Variants in CDH23 observed in about 807,000 individuals in gnomAD.
The protein encoded by CDH23 is cadherin-23.
In CDH23, 189 loss-of-function variants were observed where a neutral mutation model predicts 317.1. The ratio of observed to expected loss-of-function variants is 0.60; its 90% confidence interval spans 0.53 to 0.67. The LOEUF is 0.67. CDH23 is among the 30% of genes least tolerant of loss of function. The pLI, the probability that CDH23 is intolerant of heterozygous loss-of-function variation, is 0.00. For missense variants in CDH23, 4,401 were observed against 4,592.4 expected (o/e 0.96, Z 1.20); for synonymous variants, 1,839 against 1,876.8 (o/e 0.98, Z 0.52).
At chr10:71,570,975 A>G in intron 8 of CDH23, 57 bp downstream of exon 8, 1 of 1,593,898 alleles carries the variant, frequency 6.3e-7, no homozygotes, top group South Asian at 1.1e-5. Context: ...CTTCCTTCTG[A>G]GCTCCTGTTA....
intron 9 of CDH23, among the ~76,000 whole-genome samples, chr10:71,606,662 C>T (rs1860542040): frequency 6.6e-6 from 1 of 152,078 alleles, no homozygotes; most frequent in Non-Finnish European, 1.5e-5. Context: ...ATAAGAAACA[C>T]ATAAACAGAT....
chr10:71,491,404 CT>C (rs2132141151), intron 3 of CDH23, among the ~76,000 whole-genome samples: 1 of 152,332 alleles, frequency 6.6e-6, no homozygotes, highest in Non-Finnish European at 1.5e-5. Context: ...AGCAAACAGA[CT>C]TGCACAGCCT....
intron 24 of CDH23, among the ~76,000 whole-genome samples, chr10:71,704,101 C>T (rs770977083): frequency 9.8e-5 from 15 of 152,298 alleles, no homozygotes; most frequent in Non-Finnish European, 1.6e-4. Flanking sequence ...CTGAGCCCCC[C>T]GTCCTGGAAA....
rs145566680 is a variant in CDH23, at chr10:71,455,522, T to G, written c.145+9127T>G. Among the ~76,000 whole-genome samples, 19 of 152,336 alleles carry G rather than the reference T, an allele frequency of 1.2e-4. No individual in the cohort carries two copies. In the East Asian group the frequency reaches 3.7e-3, roughly 29 times the overall value. On this transcript the variant is annotated intron_variant, in intron 3 of 69. Transcript: ENST00000224721. ...TATATTCATTCGTTCAACAAATGTT[T>G]CCTTGAGTGTCTTCTATGCATCAGA...
At chr10:71,645,691 G>C (rs760023586) in intron 12 of CDH23, 140 bp from the exon 13 acceptor site, 23 of 952,554 alleles carry the variant, frequency 2.4e-5, no homozygotes, top group Non-Finnish European at 3.2e-5. Context: ...GGAAAGCCCT[G>C]CTCTGTCCCA....
chr10:71,661,059 A>C (rs1046790141), intron 14 of CDH23, among the ~76,000 whole-genome samples: 1 of 152,080 alleles, frequency 6.6e-6, no homozygotes, highest in Non-Finnish European at 1.5e-5. Context: ...GTCAGACCAC[A>C]CTCCCATGAA....
intron 26 of CDH23, among the ~76,000 whole-genome samples, chr10:71,708,757 C>T (rs1367155340): frequency 6.6e-6 from 1 of 152,216 alleles, no homozygotes; most frequent in East Asian, 1.9e-4. Flanking sequence ...AAGGATAAGC[C>T]CAGGGACCCA....
At chr10:71,401,046 G>A (rs1847757341) in intron 1 of CDH23, among the ~76,000 whole-genome samples, 1 of 152,192 alleles carries the variant, frequency 6.6e-6, no homozygotes, top group South Asian at 2.1e-4. Flanking sequence ...ATGAATAGAT[G>A]AGCAAGGTCA....
intron 11 of CDH23, among the ~76,000 whole-genome samples, chr10:71,624,658 C>T (rs905651098): frequency 7.3e-4 from 111 of 152,114 alleles, no homozygotes; most frequent in Non-Finnish European, 1.5e-3. Context: ...TATGATTGCA[C>T]GGCTGCACTC....
At chr10:71,697,364 T>C (rs1382907004) in intron 22 of CDH23, among the ~76,000 whole-genome samples, 1 of 152,176 alleles carries the variant, frequency 6.6e-6, no homozygotes, top group Non-Finnish European at 1.5e-5. Flanking sequence ...CTTGTCAGGC[T>C]GAGGGTACAG....
intron 11 of CDH23, among the ~76,000 whole-genome samples, chr10:71,643,208 G>A (rs1449896202): frequency 6.6e-6 from 1 of 152,120 alleles, no homozygotes; most frequent in South Asian, 2.1e-4. Context: ...AGGGTGGCAT[G>A]TACCCATAAT....
At chr10:71,659,862 T>C (rs1052802831) in intron 14 of CDH23, among the ~76,000 whole-genome samples, 1 of 152,082 alleles carries the variant, frequency 6.6e-6, no homozygotes, top group African/African-American at 2.4e-5. Context: ...TAGTGTTCAC[T>C]ACAGGGAGCA....
At chr10:71,456,674 A>T (rs1198172080) in intron 3 of CDH23, among the ~76,000 whole-genome samples, 1 of 152,264 alleles carries the variant, frequency 6.6e-6, no homozygotes, top group Non-Finnish European at 1.5e-5. Context: ...GGGTAGGGAC[A>T]TGCACATTAG....
At chr10:71,553,547 T>C (rs1440893842) in intron 6 of CDH23, among the ~76,000 whole-genome samples, 1 of 152,112 alleles carries the variant, frequency 6.6e-6, no homozygotes, top group Non-Finnish European at 1.5e-5. Flanking sequence ...TCCTTCAGAA[T>C]GTACACTCAC....
In CDH23 at chr10:71,811,393, T is replaced by C; in HGVS notation, c.9156T>C (p.Pro3052=). ...ACTACAACGTCCTGGACGTGCAGCC[T>C]GCCATCTCTGTCCGGCTGCCGGATG... is the stretch of plus-strand genomic sequence containing the variant. ...FRNYNVLDVQ[P]AISVRLPDDM... The change falls in exon 63 of 70, where the codon CCT becomes CCC. Residue 3052 remains proline (P), a synonymous_variant. Coordinates refer to ENST00000224721, the MANE Select transcript of CDH23 (RefSeq NM_022124.6). 23 of 1,613,864 alleles carry C rather than the reference T, an allele frequency of 1.4e-5. No individual in the cohort carries two copies. The highest frequency in any genetic ancestry group is 1.9e-5 in the Non-Finnish European group (23 of 1,179,852).
chr10:71,674,525 G>A (rs1239316171), intron 14 of CDH23, among the ~76,000 whole-genome samples: 1 of 152,230 alleles, frequency 6.6e-6, no homozygotes, highest in Non-Finnish European at 1.5e-5. Flanking sequence ...GAAGAGAGCA[G>A]AGGTCACATC....
At chr10:71,762,674 C>T (rs1840425970) in intron 38 of CDH23, among the ~76,000 whole-genome samples, 1 of 152,200 alleles carries the variant, frequency 6.6e-6, no homozygotes, top group Non-Finnish European at 1.5e-5. Flanking sequence ...TCAGGGACTT[C>T]CTGAAGGAGG....
rs772722327 is a variant in CDH23 at position 71,812,030 on chromosome 10, GGCCCTGCCCGGTCCCCTGCGGGGA to G, written c.9380+17_9380+40del. 5 of 1,613,900 alleles carry G rather than the reference GGCCCTGCCCGGTCCCCTGCGGGGA, an allele frequency of 3.1e-6. No individual in the cohort carries two copies. In the South Asian group the frequency reaches 5.5e-5, roughly 18 times the overall value. ...TCCTTTGATGGGTGAGTGGGGTACTGGCCCTGCCCGGTCCCCTGCGGGGAGTCCTGCCAGGACCCAGCTGGGGAG... is the reference window on the plus strand; with the variant it reads ...TCCTTTGATGGGTGAGTGGGGTACTGGTCCTGCCAGGACCCAGCTGGGGAG... On this transcript the variant is annotated intron_variant, in intron 66 of 69. Transcript: ENST00000224721.
Position 71,815,344 on chromosome 10 carries a change from C to G in CDH23, c.*66C>G. The G allele has an allele frequency of 2.1e-6, 3 of 1,432,516 alleles. No individual in the cohort carries two copies. Among genetic ancestry groups the G allele is most frequent in the Middle Eastern group, 1.8e-4 (1 of 5,492 alleles). 88.7% of individuals were successfully genotyped at this position (1,432,516 alleles called of 1,614,324 possible). On this transcript the variant is annotated 3_prime_UTR_variant, in exon 70 of 70. Coordinates refer to ENST00000224721, the MANE Select transcript of CDH23 (RefSeq NM_022124.6). ...ACCGTCCCCTCCCAGGGAGCAAGGGCAGGGACAGGGCCGGTCGGGGGGGAC... is the reference window on the plus strand; with the variant it reads ...ACCGTCCCCTCCCAGGGAGCAAGGGGAGGGACAGGGCCGGTCGGGGGGGAC...
Sources: allele counts gnomAD v4.1 joint callset (sites outside exome capture counted in the v4.1 genomes callset), GRCh38; gene constraint gnomAD v4.1.1; transcripts MANE v1.5; gene names NCBI Gene and HGNC (gene_info 2026-07-23, HGNC 2026-07-21).